The following MUC13 variants were observed in gnomAD, a reference collection of about 807,000 sequenced individuals.
The protein encoded by MUC13 is mucin-13.
Under a neutral mutation model 48.3 loss-of-function variants are expected in MUC13, and 32 were observed. The observed-to-expected ratio is 0.66, with a 90% CI of 0.50 to 0.89. MUC13 has a LOEUF of 0.89. MUC13 is among the 40% of genes least tolerant of loss of function. The probability of loss-of-function intolerance (pLI) is 0.00; values close to 1 mark genes in which losing one functional copy is unlikely to be tolerated. For missense variants in MUC13, 571 were observed against 622.8 expected, an observed-to-expected ratio of 0.92 and a Z score of 0.88; for synonymous variants, 199 against 224.9, an observed-to-expected ratio of 0.88 and a Z score of 1.03.
intron 4 of MUC13, among the ~76,000 whole-genome samples, chr3:124,920,625 C>T (rs1016054696): frequency 4.6e-5 from 7 of 152,186 alleles, no homozygotes; most frequent in African/African-American, 1.7e-4. Flanking sequence ...AACATCAAAC[C>T]CTGACTGAGA....
intron 2 of MUC13, among the ~76,000 whole-genome samples, chr3:124,925,639 G>A (rs1935673228): frequency 6.6e-6 from 1 of 152,072 alleles, no homozygotes; most frequent in Non-Finnish European, 1.5e-5. Context: ...TTTGAGACAG[G>A]GCCTTGCTCT....
chr3:124,913,477 G>A lies in MUC13; in HGVS notation c.1084+85C>T. 7 of 1,594,604 alleles carry A rather than the reference G, an allele frequency of 4.4e-6. No individual in the cohort carries two copies. The South Asian group carries it at 7.8e-5, about 18-fold the overall frequency. ...TCACTCGGACTCTGAAATGCATGTG[G>A]AAACTAAAGGAGTGAATTTTTTATG... is the stretch of plus-strand genomic sequence containing the variant. On this transcript the variant is annotated intron_variant, in intron 7 of 11. Coordinates refer to ENST00000616727, the MANE Select transcript of MUC13 (RefSeq NM_033049.4).
chr3:124,920,606 TC>T (rs1248667166), intron 4 of MUC13, among the ~76,000 whole-genome samples: 3 of 152,152 alleles, frequency 2.0e-5, no homozygotes, highest in Admixed American at 6.6e-5. Flanking sequence ...CCTCACTGGT[TC>T]CCCCAGGAAC....
intron 5 of MUC13, 31 bp downstream of exon 5, chr3:124,920,203 C>T (rs1579367101): frequency 1.3e-6 from 2 of 1,584,982 alleles, no homozygotes; most frequent in Non-Finnish European, 8.6e-7. Context: ...AGACACACAT[C>T]TGCCTCCAAA....
At chr3:124,910,115 T>C (rs1360147970) in intron 10 of MUC13, among the ~76,000 whole-genome samples, 2 of 152,136 alleles carry the variant, frequency 1.3e-5, no homozygotes, top group Non-Finnish European at 2.9e-5. Context: ...AGAAGACAAT[T>C]AAGGTAAGGA....
chr3:124,924,809 T>A (rs185463913), intron 2 of MUC13, among the ~76,000 whole-genome samples: 1 of 152,176 alleles, frequency 6.6e-6, no homozygotes, highest in African/African-American at 2.4e-5. Context: ...TAATTTACTT[T>A]TATTAAAAAA....
chr3:124,933,833 C>G (rs1187537804), intron 1 of MUC13, among the ~76,000 whole-genome samples: 4 of 152,276 alleles, frequency 2.6e-5, no homozygotes, highest in Admixed American at 2.0e-4. Context: ...TTTTAGGAAG[C>G]CAATTGGCCT....
In MUC13 at chr3:124,920,174, A is replaced by G; in HGVS notation, c.800+60T>C. On this transcript the variant is annotated intron_variant, in intron 5 of 11. Coordinates refer to ENST00000616727, the MANE Select transcript of MUC13 (RefSeq NM_033049.4). Reference sequence around the variant, plus strand: ...CTTAATGTTACATGCAGACCTCAAGAGAAGCTCGGAAGTTAGACAGACACA... The same window carrying G: ...CTTAATGTTACATGCAGACCTCAAGGGAAGCTCGGAAGTTAGACAGACACA... The G allele has an allele frequency of 6.9e-6, 10 of 1,438,996 alleles. No homozygotes were observed. The Admixed American group carries it at 1.6e-4, about 23-fold the overall frequency. 89.1% of individuals were successfully genotyped at this position (1,438,996 alleles called of 1,614,324 possible).
chr3:124,918,301 C>T (rs1935539953), intron 5 of MUC13, among the ~76,000 whole-genome samples: 1 of 152,174 alleles, frequency 6.6e-6, no homozygotes, highest in Non-Finnish European at 1.5e-5. Context: ...ATTTGCCCTG[C>T]ACTGGCCCCT....
intron 8 of MUC13, among the ~76,000 whole-genome samples, chr3:124,912,703 C>T (rs371807000): frequency 2.3e-3 from 343 of 152,042 alleles, no homozygotes; most frequent in Non-Finnish European, 4.1e-3. Context: ...TTTGGGAGGC[C>T]GAAGCAGGTG....
intron 5 of MUC13, among the ~76,000 whole-genome samples, chr3:124,918,932 G>C (rs1278379055): frequency 6.6e-6 from 1 of 152,108 alleles, no homozygotes. Context: ...CTGCCAACCA[G>C]ACTTGCCCTT....
chr3:124,910,387 AT>A (rs942714150), intron 10 of MUC13, 27 bp downstream of exon 10: 19 of 1,585,614 alleles, frequency 1.2e-5, no homozygotes, highest in Admixed American at 1.8e-5. Context: ...AAAAAAAAAA[AT>A]TTAAAAAGGA....
At chr3:124,932,978 A>T (rs1252969520) in intron 1 of MUC13, among the ~76,000 whole-genome samples, 1 of 152,014 alleles carries the variant, frequency 6.6e-6, no homozygotes, top group Non-Finnish European at 1.5e-5. Flanking sequence ...TTCTATTTTT[A>T]AAAAGTCAAG....
In MUC13 at chr3:124,916,470, A is replaced by G. The variant is rs769908654; in HGVS notation, c.811T>C (p.Ser271Pro). 1 of 1,611,104 alleles carries G rather than the reference A, an allele frequency of 6.2e-7. No homozygotes were observed. Among genetic ancestry groups the G allele is most frequent in the Admixed American group, 1.7e-5 (1 of 59,702 alleles). ...TVILTVSTSL[S>P]PRSEMRADDK... Reference sequence around the variant, plus strand: ...TCAGCACGCATTTCAGATCTTGGTGACAGAGATGTGCTAAAAATGAGATGA... The same window carrying G: ...TCAGCACGCATTTCAGATCTTGGTGGCAGAGATGTGCTAAAAATGAGATGA... The change falls in exon 6 of 12, where the codon TCA becomes CCA. Residue 271 changes from serine to proline, a missense_variant. Transcript: ENST00000616727.
At chr3:124,913,429 T>C (rs1429632700) in intron 7 of MUC13, 133 bp downstream of exon 7, 5 of 1,498,126 alleles carry the variant, frequency 3.3e-6, no homozygotes, top group South Asian at 1.3e-5. Context: ...CCATGGTCCA[T>C]ATGTCTAAAG....
chr3:124,930,589 C>G (rs1308486727), intron 1 of MUC13, among the ~76,000 whole-genome samples: 2 of 152,042 alleles, frequency 1.3e-5, no homozygotes, highest in African/African-American at 4.8e-5. Flanking sequence ...TTCCTTAGGT[C>G]CTAAAGCTTC....
intron 2 of MUC13, among the ~76,000 whole-genome samples, chr3:124,924,878 G>A (rs546379194): frequency 6.6e-6 from 1 of 152,260 alleles, no homozygotes; most frequent in South Asian, 2.1e-4. Flanking sequence ...ATTCATTGGT[G>A]GGAATGCAAA....
chr3:124,924,485 A>C (rs1935656499), intron 2 of MUC13, among the ~76,000 whole-genome samples: 1 of 152,230 alleles, frequency 6.6e-6, no homozygotes, highest in African/African-American at 2.4e-5. Flanking sequence ...GATAACCTTC[A>C]GAGCTGTCTT....
chr3:124,926,824 G>T (rs1466671628), intron 2 of MUC13, among the ~76,000 whole-genome samples: 2 of 152,230 alleles, frequency 1.3e-5, no homozygotes, highest in Non-Finnish European at 2.9e-5. Context: ...TTACAACAGA[G>T]ACCCCACATG....
Sources: gnomAD v4.1 joint callset for allele counts (sites outside exome capture counted in the v4.1 genomes callset) on GRCh38, gnomAD v4.1.1 for gene constraint, MANE v1.5 for transcripts, NCBI Gene and HGNC (gene_info 2026-07-23, HGNC 2026-07-21) for gene names.